Variants in FKBP1B observed in about 807,000 individuals in gnomAD.
The protein encoded by FKBP1B is peptidyl-prolyl cis-trans isomerase FKBP1B.
FKBP1B carries 4 observed loss-of-function variants against 13.5 expected under a neutral mutation model. The ratio of observed to expected loss-of-function variants is 0.30; its 90% CI spans 0.15 to 0.68. The LOEUF is 0.68. Among genes scored for constraint, FKBP1B ranks in the 30% least tolerant of loss-of-function variants. The pLI, the probability that FKBP1B is intolerant of heterozygous loss-of-function variation, is 0.76. For missense variants in FKBP1B, 93 were observed against 136.2 expected (o/e 0.68, Z 1.58); for synonymous variants, 54 against 53.6 (o/e 1.01, Z -0.03).
chr2:24,062,298 G>A (rs530482490), intron 3 of FKBP1B, among the ~76,000 whole-genome samples: 54 of 152,058 alleles, frequency 3.6e-4, no homozygotes, highest in African/African-American at 4.6e-4. Context: ...CCAGCCTCCC[G>A]AGTAGCTGAG....
Position 24,049,864 on chromosome 2 carries a change from C to G in FKBP1B, c.15C>G (p.Ile5Met). The change falls in exon 1 of 4, where the codon ATC becomes ATG. Residue 5 changes from isoleucine (I) to methionine (M), a missense_variant. Transcript: ENST00000380986. MGVEIETISPGDGRT... is the reference protein window; with the variant it reads MGVEMETISPGDGRT... Reference sequence around the variant, plus strand: ...GTGGGACCGCTATGGGCGTGGAGATCGAGACCATCTCCCCCGGAGACGGTA... The same window carrying G: ...GTGGGACCGCTATGGGCGTGGAGATGGAGACCATCTCCCCCGGAGACGGTA... 1 of 1,430,952 alleles carries G rather than the reference C, an allele frequency of 7.0e-7. No homozygotes were observed. The highest frequency in any genetic ancestry group is 3.0e-5 in the East Asian group (1 of 33,520). The allele number at this position is 1,430,952 out of a possible 1,614,324, so 88.6% of individuals were successfully genotyped here. A position where few individuals can be genotyped will look rare whatever the true frequency, so the allele number is the denominator to read the frequency against.
the FKBP1B span, among the ~76,000 whole-genome samples, chr2:24,041,347 A>G: frequency 6.6e-6 from 1 of 151,904 alleles, no homozygotes; most frequent in Admixed American, 6.6e-5. Context: ...CTCCAAAAAA[A>G]AAAAAAAACT....
chr2:24,043,849 T>C, the FKBP1B span, among the ~76,000 whole-genome samples: 1 of 152,024 alleles, frequency 6.6e-6, no homozygotes, highest in African/African-American at 2.4e-5. Flanking sequence ...TTCGCATATC[T>C]CCTTGCTAGC....
the FKBP1B span, among the ~76,000 whole-genome samples, chr2:24,042,452 C>T: frequency 1.4e-5 from 2 of 147,770 alleles, no homozygotes; most frequent in Middle Eastern, 3.3e-3. Flanking sequence ...AGGAGAATGG[C>T]GTGAACCCTG....
At chr2:24,060,638 G>A (rs553890920) in intron 2 of FKBP1B, among the ~76,000 whole-genome samples, 176 bp from the exon 3 acceptor site, 2 of 152,162 alleles carry the variant, frequency 1.3e-5, no homozygotes, top group African/African-American at 4.8e-5. Context: ...GGCAGTATGT[G>A]GGGGTGAGGC....
chr2:24,034,492 T>G, the FKBP1B span, among the ~76,000 whole-genome samples: 2 of 151,350 alleles, frequency 1.3e-5, no homozygotes, highest in Admixed American at 1.3e-4. Flanking sequence ...AATTCTATCC[T>G]CCAGAGATAA....
the FKBP1B span, among the ~76,000 whole-genome samples, chr2:24,033,633 C>G: frequency 6.6e-6 from 1 of 151,824 alleles, no homozygotes; most frequent in Non-Finnish European, 1.5e-5. Flanking sequence ...CCCAGCTACT[C>G]GGGAGGCTGA....
chr2:24,055,711 G>A lies in FKBP1B; in HGVS notation c.85+1762G>A, dbSNP rs1416337431. ...TTGCAATTTATGTATCCTCTCTACC[G>A]TTGATGAACATTTGGGTTGTTCATA... On this transcript the variant is annotated intron_variant, in intron 2 of 3. Coordinates refer to ENST00000380986, the MANE Select transcript of FKBP1B (RefSeq NM_004116.5). Among the ~76,000 whole-genome samples, 9 of 152,138 alleles carry A rather than the reference G, an allele frequency of 5.9e-5. No homozygotes were observed. The South Asian group carries it at 1.5e-3, about 25-fold the overall frequency.
intron 2 of FKBP1B, among the ~76,000 whole-genome samples, chr2:24,058,111 T>G (rs192835645): frequency 2.7e-3 from 416 of 151,650 alleles, no homozygotes; most frequent in African/African-American, 9.8e-3. Flanking sequence ...ACAGGAGAAT[T>G]ACTTGAACAA....
chr2:24,040,232 T>G, the FKBP1B span, among the ~76,000 whole-genome samples: 1 of 152,154 alleles, frequency 6.6e-6, no homozygotes, highest in Non-Finnish European at 1.5e-5. Flanking sequence ...TTCAAATGGT[T>G]TGACAAAAAA....
chr2:24,057,356 T>C (rs1664175106), intron 2 of FKBP1B, among the ~76,000 whole-genome samples: 1 of 149,460 alleles, frequency 6.7e-6, no homozygotes, highest in African/African-American at 2.4e-5. Flanking sequence ...CTACCATGCC[T>C]GGCTAATTTT....
chr2:24,040,069 G>A, the FKBP1B span, among the ~76,000 whole-genome samples: 47 of 152,200 alleles, frequency 3.1e-4, no homozygotes, highest in African/African-American at 1.1e-3. Flanking sequence ...CCAAAGTGCT[G>A]GGATTATAGG....
At chr2:24,058,994 G>C (rs1375647578) in intron 2 of FKBP1B, among the ~76,000 whole-genome samples, 1 of 152,174 alleles carries the variant, frequency 6.6e-6, no homozygotes, top group Non-Finnish European at 1.5e-5. Context: ...TTAGGAAGTA[G>C]CATCATAGAT....
chr2:24,042,464 A>G, the FKBP1B span, among the ~76,000 whole-genome samples: 1 of 145,142 alleles, frequency 6.9e-6, no homozygotes, highest in Non-Finnish European at 1.5e-5. Context: ...TGAACCCTGG[A>G]GGCAGAGGTT....
At chr2:24,039,778 A>G in the FKBP1B span, among the ~76,000 whole-genome samples, 1 of 152,094 alleles carries the variant, frequency 6.6e-6, no homozygotes, top group South Asian at 2.1e-4. Context: ...ATATCAGAAA[A>G]TATTGTAGAG....
At chr2:24,049,110 C>G (rs10167808), upstream of FKBP1B, among the ~76,000 whole-genome samples, 18,108 of 152,156 alleles carry the variant, frequency 0.12, 1,261 homozygotes, top group South Asian at 0.18. Flanking sequence ...TTCCGCAACG[C>G]TCTGAACTGC....
At chr2:24,049,963 G>A in intron 1 of FKBP1B, 77 bp downstream of exon 1, 1 of 1,249,766 alleles carries the variant, frequency 8.0e-7, no homozygotes, top group East Asian at 3.1e-5. Context: ...CTGATTCGGA[G>A]GTGGCGTGGA....
Position 24,063,356 on chromosome 2 carries a change from C to T in FKBP1B, c.*164C>T, listed in dbSNP as rs935609202. On this transcript the variant is annotated 3_prime_UTR_variant, in exon 4 of 4. Transcript: ENST00000380986. ...CTGCCCAAGTTGCTCTGTATGTGTT[C>T]GTCAGTGTTCATGCGAATTCTTGCT... 5 of 634,980 alleles carry T rather than the reference C, an allele frequency of 7.9e-6. No individual in the cohort carries two copies. Among genetic ancestry groups the T allele is most frequent in the Non-Finnish European group, 1.2e-5 (5 of 400,922 alleles). 39.3% of individuals were successfully genotyped at this position (634,980 alleles called of 1,614,324 possible). A position where few individuals can be genotyped will look rare whatever the true frequency, so the allele number is the denominator to read the frequency against.
the FKBP1B span, chr2:24,039,563 A>T: frequency 6.7e-5 from 103 of 1,529,942 alleles, no homozygotes; most frequent in Non-Finnish European, 9.0e-5. Context: ...AGACAAATCT[A>T]GAATGTAGGA....
Sources: gnomAD v4.1 joint callset for allele counts (sites outside exome capture counted in the v4.1 genomes callset) on GRCh38, gnomAD v4.1.1 for gene constraint, MANE v1.5 for transcripts, NCBI Gene and HGNC (gene_info 2026-07-23, HGNC 2026-07-21) for gene names.